HPSE2: variants seen among roughly 807,000 people sequenced by gnomAD.
HPSE2 encodes inactive heparanase-2.
Under a neutral mutation model 60.5 loss-of-function variants are expected in HPSE2, and 38 were observed. The observed-to-expected ratio is 0.63, with a 90% confidence interval of 0.48 to 0.82. The LOEUF is 0.82. HPSE2 is among the 40% of genes least tolerant of loss of function. The pLI, the probability that HPSE2 is intolerant of heterozygous loss-of-function variation, is 0.00. For missense variants in HPSE2, 713 were observed against 740.4 expected (o/e 0.96, Z 0.43); for synonymous variants, 295 against 293.2 (o/e 1.01, Z -0.06).
Position 99,200,880 on chromosome 10 carries a change from C to T in HPSE2, c.448+31468G>A, listed in dbSNP as rs527696134. ...TATTTAGCTGTATAAGAAGGTATCTCACATACAAAAGTACTTCCTACCCAT... is the reference window on the plus strand; with the variant it reads ...TATTTAGCTGTATAAGAAGGTATCTTACATACAAAAGTACTTCCTACCCAT... On this transcript the variant is annotated intron_variant, in intron 2 of 11. Coordinates refer to ENST00000370552, the MANE Select transcript of HPSE2 (RefSeq NM_021828.5). Among the ~76,000 whole-genome samples the T allele has an allele frequency of 7.8e-4, 118 of 152,232 alleles. 3 individuals carry two copies. In the South Asian group the frequency reaches 0.024, roughly 31 times the overall value.
intron 3 of HPSE2, among the ~76,000 whole-genome samples, chr10:99,023,968 G>A (rs964233142): frequency 2.6e-5 from 4 of 152,166 alleles, no homozygotes; most frequent in Non-Finnish European, 5.9e-5. Context: ...CACCACCCAG[G>A]AAGACATGAC....
rs546075771 is a variant in HPSE2 at position 98,458,690 on chromosome 10, T to C, written c.*884A>G. The C allele has an allele frequency of 6.6e-6, 1 of 152,316 alleles. No individual in the cohort carries two copies. The highest frequency in any genetic ancestry group is 1.5e-5 in the Non-Finnish European group (1 of 68,118). The allele number at this position is 152,316 out of a possible 1,614,324, so 9.4% of individuals were successfully genotyped here. On this transcript the variant is annotated 3_prime_UTR_variant, in exon 12 of 12. Coordinates refer to ENST00000370552, the MANE Select transcript of HPSE2 (RefSeq NM_021828.5). Reference sequence around the variant, plus strand: ...GAGAGGTCTAATTTGCTTTGTCCAGTTGGGGTGTGTGTGTGTACCTGATGT... The same window carrying C: ...GAGAGGTCTAATTTGCTTTGTCCAGCTGGGGTGTGTGTGTGTACCTGATGT...
intron 6 of HPSE2, among the ~76,000 whole-genome samples, chr10:98,667,290 C>T (rs758366593): frequency 5.9e-5 from 9 of 152,044 alleles, no homozygotes; most frequent in Non-Finnish European, 1.2e-4. Flanking sequence ...AATAAAAAGC[C>T]TGCCAACTAA....
At chr10:98,580,145 T>C (rs1057067948) in intron 9 of HPSE2, among the ~76,000 whole-genome samples, 15 of 152,194 alleles carry the variant, frequency 9.9e-5, no homozygotes, top group Admixed American at 6.5e-5. Flanking sequence ...CCTTACTCCT[T>C]TTTCTCTCTG....
intron 9 of HPSE2, among the ~76,000 whole-genome samples, chr10:98,537,714 C>T (rs1242106737): frequency 2.3e-4 from 35 of 152,168 alleles, no homozygotes; most frequent in African/African-American, 6.5e-4. Context: ...TAGCAGACCG[C>T]GAAAGGGAGT....
intron 3 of HPSE2, among the ~76,000 whole-genome samples, chr10:99,086,815 A>T (rs1843337193): frequency 6.6e-6 from 1 of 152,238 alleles, no homozygotes; most frequent in Non-Finnish European, 1.5e-5. Flanking sequence ...GCCAAATAAA[A>T]GCATAAAACT....
Position 98,464,521 on chromosome 10 carries a change from C to T in HPSE2, c.1614-4782G>A, listed in dbSNP as rs75815912. ...TCCTCTGGAGAACCTTCTCTGACCC[C>T]TAGGTTGGGTTTGGAGCCCCACTTC... On this transcript the variant is annotated intron_variant, in intron 11 of 11. Coordinates refer to ENST00000370552, the MANE Select transcript of HPSE2 (RefSeq NM_021828.5). Among the ~76,000 whole-genome samples, 533 of 152,230 alleles carry T rather than the reference C, an allele frequency of 3.5e-3. 6 individuals carry two copies. Among genetic ancestry groups the T allele is most frequent in the African/African-American group, 0.012 (516 of 41,534 alleles).
At chr10:98,934,496 T>A (rs1954733356) in intron 3 of HPSE2, among the ~76,000 whole-genome samples, 1 of 144,496 alleles carries the variant, frequency 6.9e-6, no homozygotes, top group South Asian at 2.1e-4. Context: ...CTTCAGCATT[T>A]GCTTGTCTGA....
intron 3 of HPSE2, among the ~76,000 whole-genome samples, chr10:99,072,817 T>C (rs973552176): frequency 6.6e-6 from 1 of 151,392 alleles, no homozygotes; most frequent in Non-Finnish European, 1.5e-5. Flanking sequence ...TAGTCCTAGC[T>C]ACTTGTGAGG....
rs551781645 is a variant in HPSE2, at chr10:99,108,214, T to G, written c.610+36024A>C. ...AAAAAGAGACAGGTAACTAGGCAGT[T>G]GGAAAAGTGACTTGTGCCAGAGGAT... On this transcript the variant is annotated intron_variant, in intron 3 of 11. Coordinates refer to ENST00000370552, the MANE Select transcript of HPSE2 (RefSeq NM_021828.5). Among the ~76,000 whole-genome samples the G allele has an allele frequency of 9.2e-5, 14 of 152,234 alleles. 1 individual carries two copies. The South Asian group carries it at 1.0e-3, about 11-fold the overall frequency.
At chr10:99,268,140 C>A in the HPSE2 span, among the ~76,000 whole-genome samples, 1 of 152,144 alleles carries the variant, frequency 6.6e-6, no homozygotes, top group Non-Finnish European at 1.5e-5. Context: ...GATTGGGGCC[C>A]TATCTTTAGC....
chr10:98,502,970 G>C (rs926418270), intron 9 of HPSE2, among the ~76,000 whole-genome samples: 2 of 152,174 alleles, frequency 1.3e-5, no homozygotes, highest in South Asian at 4.1e-4. Context: ...CCAGCAGTTT[G>C]GGAGGCCGAG....
intron 8 of HPSE2, 49 bp downstream of exon 8, chr10:98,620,553 T>C: frequency 7.5e-7 from 1 of 1,330,704 alleles, no homozygotes. Context: ...AGATTCACTG[T>C]CCTTCCCTCC....
chr10:98,723,197 C>T (rs1011646398), intron 4 of HPSE2, among the ~76,000 whole-genome samples: 1 of 152,118 alleles, frequency 6.6e-6, no homozygotes, highest in African/African-American at 2.4e-5. Flanking sequence ...TTGTCAAAGG[C>T]CTTTTCTGCA....
At chr10:98,882,948 C>T (rs773284350) in intron 3 of HPSE2, among the ~76,000 whole-genome samples, 18 of 152,060 alleles carry the variant, frequency 1.2e-4, no homozygotes, top group Non-Finnish European at 1.2e-4. Flanking sequence ...AAGATTTGAA[C>T]CTTCAGAGTA....
chr10:98,756,553 G>A (rs1287072253), intron 3 of HPSE2, among the ~76,000 whole-genome samples: 2 of 151,864 alleles, frequency 1.3e-5, no homozygotes, highest in Non-Finnish European at 2.9e-5. Context: ...ACACCTCTAT[G>A]CACACAAACT....
intron 3 of HPSE2, among the ~76,000 whole-genome samples, chr10:98,933,682 G>A (rs1954705546): frequency 7.0e-6 from 1 of 143,132 alleles, no homozygotes; most frequent in Non-Finnish European, 1.5e-5. Flanking sequence ...TCTTCGTGTT[G>A]AATTGAACAC....
upstream of HPSE2, among the ~76,000 whole-genome samples, chr10:99,237,584 G>T (rs956033331): frequency 6.6e-6 from 1 of 152,148 alleles, no homozygotes; most frequent in Non-Finnish European, 1.5e-5. Flanking sequence ...TGAGGATATG[G>T]GAGAAAGCAA....
rs376827026 is a variant in HPSE2, at chr10:98,612,463, T to C, written c.1320+2441A>G. Among the ~76,000 whole-genome samples, 520 of 152,344 alleles carry C rather than the reference T, an allele frequency of 3.4e-3. 1 individual carries two copies. The highest frequency in any genetic ancestry group is 0.012 in the African/African-American group (491 of 41,574). ...TGACAAATTGCAATTCTCTGATTTATGTTTATTTATTTTCCATTTCTCAGT... is the reference window on the plus strand; with the variant it reads ...TGACAAATTGCAATTCTCTGATTTACGTTTATTTATTTTCCATTTCTCAGT... On this transcript the variant is annotated intron_variant, in intron 9 of 11. Transcript: ENST00000370552.
Sources: gnomAD v4.1 joint callset for allele counts (sites outside exome capture counted in the v4.1 genomes callset) on GRCh38, gnomAD v4.1.1 for gene constraint, MANE v1.5 for transcripts, NCBI Gene and HGNC (gene_info 2026-07-23, HGNC 2026-07-21) for gene names.